The following TIAM2 variants were observed in gnomAD, a reference collection of about 807,000 sequenced individuals.
The protein encoded by TIAM2 is rho guanine nucleotide exchange factor TIAM2.
Under a neutral mutation model 152.9 loss-of-function variants are expected in TIAM2, and 80 were observed. The ratio of observed to expected loss-of-function variants is 0.52; its 90% CI spans 0.44 to 0.63. The LOEUF is 0.63. TIAM2 is among the 30% of genes least tolerant of loss of function. The probability of loss-of-function intolerance (pLI) is 0.00; values close to 1 mark genes in which losing one functional copy is unlikely to be tolerated. For missense variants in TIAM2, 1,965 were observed against 2,120.1 expected (o/e 0.93, Z 1.44); for synonymous variants, 804 against 838.0 (o/e 0.96, Z 0.70).
Position 155,257,085 on chromosome 6 carries a change from G to A in TIAM2, c.5070G>A (p.Glu1690=), listed in dbSNP as rs1562380443. ...VQSLTSVVSE[E]CFYETESHGK... is the part of the protein sequence containing the mutation. ...GTTTAACATCTGTTGTCAGTGAGGAGTGTTTTTATGAAACAGAGAGCCACG... is the reference window on the plus strand; with the variant it reads ...GTTTAACATCTGTTGTCAGTGAGGAATGTTTTTATGAAACAGAGAGCCACG... The change falls in exon 27 of 27, where the codon GAG becomes GAA. Residue 1690 remains glutamate, a synonymous_variant. Transcript: ENST00000682666. The A allele has an allele frequency of 1.2e-6, 2 of 1,604,020 alleles. No homozygotes were observed. The highest frequency in any genetic ancestry group is 8.5e-7 in the Non-Finnish European group (1 of 1,173,752).
chr6:155,001,576 A>G (rs559932644), intron 1 of TIAM2, among the ~76,000 whole-genome samples: 1 of 152,280 alleles, frequency 6.6e-6, no homozygotes, highest in Admixed American at 6.5e-5. Flanking sequence ...CCTCTCCTGG[A>G]TGTTACATGG....
At chr6:155,010,255 A>C (rs1778464654) in intron 1 of TIAM2, among the ~76,000 whole-genome samples, 1 of 152,186 alleles carries the variant, frequency 6.6e-6, no homozygotes, top group Non-Finnish European at 1.5e-5. Context: ...ATATATAAAT[A>C]GGTAGGCAAT....
At chr6:154,996,147 C>G (rs1002509408) in intron 1 of TIAM2, among the ~76,000 whole-genome samples, 2 of 152,194 alleles carry the variant, frequency 1.3e-5, no homozygotes, top group African/African-American at 4.8e-5. Flanking sequence ...AAAAACAGTT[C>G]AGAAAGAAAA....
At chr6:155,183,147 A>G (rs746676580) in intron 13 of TIAM2, 90 bp from the exon 14 acceptor site, 29 of 1,497,822 alleles carry the variant, frequency 1.9e-5, no homozygotes, top group Non-Finnish European at 2.4e-5. Flanking sequence ...CTACGAGTAC[A>G]TGGTTTGAGT....
chr6:155,070,944 G>T (rs544360692), intron 1 of TIAM2, among the ~76,000 whole-genome samples: 1 of 152,226 alleles, frequency 6.6e-6, no homozygotes, highest in Non-Finnish European at 1.5e-5. Context: ...AGTCAAAGTG[G>T]GTCGTTCACT....
rs577317614 is a variant in TIAM2, at chr6:155,041,211, T to G, written c.-209+45719T>G. Among the ~76,000 whole-genome samples, 8 of 152,304 alleles carry G rather than the reference T, an allele frequency of 5.3e-5. No homozygotes were observed. In the South Asian group the frequency reaches 1.0e-3, roughly 20 times the overall value. ...GCTCCATTACCATTCAAGTAGGGCT[T>G]TTGTACAGTTTCTGACCACTTGAGT... On this transcript the variant is annotated intron_variant, in intron 1 of 26. Transcript: ENST00000682666.
intron 1 of TIAM2, among the ~76,000 whole-genome samples, chr6:155,046,671 G>A (rs1419751957): frequency 1.3e-5 from 2 of 152,008 alleles, no homozygotes; most frequent in Non-Finnish European, 2.9e-5. Context: ...GAATTGGATC[G>A]CAAGGAACCT....
chr6:155,246,653 T>C (rs796703435), intron 19 of TIAM2, among the ~76,000 whole-genome samples: 1 of 152,184 alleles, frequency 6.6e-6, no homozygotes, highest in Non-Finnish European at 1.5e-5. Context: ...ACCTTTGTAT[T>C]GACAGTCTGT....
At chr6:155,212,907 G>A (rs1376590506) in intron 15 of TIAM2, among the ~76,000 whole-genome samples, 1 of 152,154 alleles carries the variant, frequency 6.6e-6, no homozygotes, top group Non-Finnish European at 1.5e-5. Flanking sequence ...CACGGGCGCC[G>A]GTTCCCTGTG....
At chr6:155,236,665 AAAAAT>A (rs570641137) in intron 15 of TIAM2, among the ~76,000 whole-genome samples, 141 of 152,282 alleles carry the variant, frequency 9.3e-4, no homozygotes, top group African/African-American at 1.6e-3. Flanking sequence ...TCTGTCTCAA[AAAAAT>A]AAAATAAAAG....
intron 2 of TIAM2, among the ~76,000 whole-genome samples, chr6:155,103,954 A>C (rs1242823268): frequency 6.6e-6 from 1 of 151,266 alleles, no homozygotes; most frequent in Non-Finnish European, 1.5e-5. Context: ...TTTTAGTAAC[A>C]GAAATGAGGC....
chr6:155,087,368 A>G (rs955801793), intron 1 of TIAM2, among the ~76,000 whole-genome samples: 1 of 152,216 alleles, frequency 6.6e-6, no homozygotes, highest in African/African-American at 2.4e-5. Context: ...AAATATTACA[A>G]GTCTTGGTTT....
chr6:155,059,227 A>T (rs1344067079), intron 1 of TIAM2, among the ~76,000 whole-genome samples: 1 of 151,320 alleles, frequency 6.6e-6, no homozygotes, highest in East Asian at 1.9e-4. Flanking sequence ...TTTGTCTTTC[A>T]TGACCTTGAC....
At chr6:155,092,850 T>A (rs1179355385) in intron 2 of TIAM2, among the ~76,000 whole-genome samples, 1 of 152,048 alleles carries the variant, frequency 6.6e-6, no homozygotes, top group African/African-American at 2.4e-5. Flanking sequence ...AATGAAACTC[T>A]GTCTCAAAAA....
At chr6:155,093,769 C>T (rs1167917431) in intron 2 of TIAM2, among the ~76,000 whole-genome samples, 1 of 152,194 alleles carries the variant, frequency 6.6e-6, no homozygotes, top group Non-Finnish European at 1.5e-5. Context: ...GCCTCTGCGG[C>T]CCTTTTCAAT....
intron 14 of TIAM2, among the ~76,000 whole-genome samples, chr6:155,198,059 C>A (rs1037441928): frequency 5.3e-5 from 8 of 152,156 alleles, no homozygotes; most frequent in African/African-American, 1.9e-4. Flanking sequence ...GAATACTCAC[C>A]TTTCATGCTT....
intron 12 of TIAM2, 120 bp downstream of exon 12, chr6:155,179,576 A>G (rs764130810): frequency 9.2e-6 from 8 of 865,018 alleles, no homozygotes; most frequent in Non-Finnish European, 1.4e-5. Flanking sequence ...ATATGACAGT[A>G]GTTTCTGAAC....
At chr6:155,070,500 A>G (rs1777816934) in intron 1 of TIAM2, among the ~76,000 whole-genome samples, 1 of 152,044 alleles carries the variant, frequency 6.6e-6, no homozygotes, top group Non-Finnish European at 1.5e-5. Context: ...TACAGGCATG[A>G]GCCACCGTGC....
intron 1 of TIAM2, among the ~76,000 whole-genome samples, chr6:155,054,001 T>C (rs2114927675): frequency 6.6e-6 from 1 of 152,164 alleles, no homozygotes; most frequent in South Asian, 2.1e-4. Flanking sequence ...GGTGAATCCC[T>C]GTCTCTACTA....
Sources: allele counts gnomAD v4.1 joint callset (sites outside exome capture counted in the v4.1 genomes callset), GRCh38; gene constraint gnomAD v4.1.1; transcripts MANE v1.5; gene names NCBI Gene and HGNC (gene_info 2026-07-23, HGNC 2026-07-21).